TNS2: variants seen among roughly 807,000 people sequenced by gnomAD.
TNS2 encodes the protein tensin-2.
A neutral mutation model predicts 155.7 loss-of-function variants in TNS2; 77 were observed. The ratio of observed to expected loss-of-function variants is 0.49; its 90% confidence interval spans 0.41 to 0.60. The LOEUF is 0.60. TNS2 is among the 20% of genes least tolerant of loss of function. The pLI, the probability that TNS2 is intolerant of heterozygous loss-of-function variation, is 0.00. For missense variants in TNS2, 1,703 were observed against 1,868.8 expected (o/e 0.91, Z 1.64); for synonymous variants, 726 against 763.9 (o/e 0.95, Z 0.82).
In TNS2 at chr12:53,060,592, T is replaced by C. The variant is rs754878870; in HGVS notation, c.2768+37T>C. 2 of 1,603,562 alleles carry C rather than the reference T, an allele frequency of 1.2e-6. No individual in the cohort carries two copies. The highest frequency in any genetic ancestry group is 8.5e-7 in the Non-Finnish European group (1 of 1,173,886). On this transcript the variant is annotated intron_variant, in intron 19 of 28. Transcript: ENST00000314250. This position sits in a 1 kb window ranked among gnomAD's most constrained non-coding sequence, Gnocchi z 6.1. ...GGCCGGGGATGCTCGAGTGCTTTCT[T>C]GTCCAAGCAGTTGATGAAGGCAGGT...
At chr12:53,061,792 G>A in intron 21 of TNS2, 23 bp from the exon 22 acceptor site, 3 of 1,603,222 alleles carry the variant, frequency 1.9e-6, no homozygotes, top group Non-Finnish European at 2.6e-6. Context: ...CCTCCCCACT[G>A]CCCGCTACCC....
At chr12:53,058,124 A>C in intron 14 of TNS2, 22 bp downstream of exon 14, 2 of 1,614,098 alleles carry the variant, frequency 1.2e-6, no homozygotes, top group Non-Finnish European at 1.7e-6. Flanking sequence ...CCTGTCAACA[A>C]GAAGAATCCT....
intron 1 of TNS2, 25 bp from the exon 2 acceptor site, chr12:53,051,830 C>T (rs1943943909): frequency 6.3e-7 from 1 of 1,593,128 alleles, no homozygotes; most frequent in Non-Finnish European, 8.6e-7. Flanking sequence ...GGAACTCACA[C>T]CTCTGTTTGT....
chr12:53,050,706 C>T lies in TNS2; in HGVS notation c.75+446C>T, dbSNP rs868747520. ...TTTGGAACTGGAGGTTTGCTTTCCACTGACAACATCCATATCTGCTGCTAA... is the reference window on the plus strand; with the variant it reads ...TTTGGAACTGGAGGTTTGCTTTCCATTGACAACATCCATATCTGCTGCTAA... On this transcript the variant is annotated intron_variant, in intron 1 of 28. Transcript: ENST00000314250. This position sits in a 1 kb window ranked among gnomAD's most constrained non-coding sequence, Gnocchi z 4.7. 6.6e-6 allele frequency among the ~76,000 whole-genome samples: 1 copy of T among 152,164 alleles called. No individual in the cohort carries two copies. The highest frequency in any genetic ancestry group is 1.5e-5 in the Non-Finnish European group (1 of 68,032).
chr12:53,054,358 G>A lies in TNS2; in HGVS notation c.439G>A (p.Ala147Thr), dbSNP rs552336137. ...GCGCATCTTGGCCGCCGCCTTCCCC[G>A]CGCGGCCCGATGAACAGCGGCACCG... Reference protein sequence around the residue: ...TERILAAAFPARPDEQRHRGH... With the variant: ...TERILAAAFPTRPDEQRHRGH... Residue 147 changes from alanine (A) to threonine (T), a missense_variant, in exon 7 of 29, where the codon GCG becomes ACG. Physicochemically the swap from Ala to Thr is moderately conservative, Grantham distance 58 (BLOSUM62 0). Transcript: ENST00000314250. 6.2e-7 allele frequency: 1 copy of A among 1,612,582 alleles called. No homozygotes were observed. The highest frequency in any genetic ancestry group is 1.1e-5 in the South Asian group (1 of 91,076).
rs748590499 is a variant in TNS2, at chr12:53,064,016, G to C, written c.*134G>C. The C allele has an allele frequency of 1.8e-4, 179 of 989,258 alleles. No individual in the cohort carries two copies. Among genetic ancestry groups the C allele is most frequent in the Non-Finnish European group, 2.5e-4 (172 of 682,670 alleles). 61.3% of individuals were successfully genotyped at this position (989,258 alleles called of 1,614,324 possible). On this transcript the variant is annotated 3_prime_UTR_variant, in exon 29 of 29. Transcript: ENST00000314250. ...CCTTAGGAATGAGGAGTGGGCATCA[G>C]GCCTGGGACACTGCTCTCCTTCCCC...
Position 53,059,312 on chromosome 12 carries a change from TG to T in TNS2, c.1674del (p.Arg559AlafsTer6). 1 of 1,433,150 alleles carries T rather than the reference TG, an allele frequency of 7.0e-7. No individual in the cohort carries two copies. The highest frequency in any genetic ancestry group is 9.1e-7 in the Non-Finnish European group (1 of 1,093,998). The allele number at this position is 1,433,150 out of a possible 1,614,324, so 88.8% of individuals were successfully genotyped here. A position where few individuals can be genotyped will look rare whatever the true frequency, so the allele number is the denominator to read the frequency against. On this transcript the variant is annotated frameshift_variant, in exon 18 of 29. Coordinates refer to ENST00000314250, the MANE Select transcript of TNS2 (RefSeq NM_170754.4). LOFTEE classifies it high-confidence loss of function. The surrounding 1 kb of genome is among the most constrained non-coding windows in gnomAD (Gnocchi z 4.7). ...GAGTGGCCAGTGGGGGCCGGGGAGC[TG>T]GGCGCGAGACGGCCATCCTAGATGA... ...CGVASGGRGA[G>X]RETAILDDEE...
chr12:53,063,315 C>T lies in TNS2; in HGVS notation c.3993-34C>T. The T allele has an allele frequency of 1.9e-6, 3 of 1,614,024 alleles. No homozygotes were observed. The highest frequency in any genetic ancestry group is 2.5e-6 in the Non-Finnish European group (3 of 1,179,970). ...TTAAGGCCCCTGGGGGCTCATGTTTCTGAGTGTGACCTTCCTCACCCTCCT... is the reference window on the plus strand; with the variant it reads ...TTAAGGCCCCTGGGGGCTCATGTTTTTGAGTGTGACCTTCCTCACCCTCCT... On this transcript the variant is annotated intron_variant, in intron 26 of 28. Coordinates refer to ENST00000314250, the MANE Select transcript of TNS2 (RefSeq NM_170754.4). This position sits in a 1 kb window ranked among gnomAD's most constrained non-coding sequence, Gnocchi z 5.6.
At position 53,055,488 on chromosome 12, in the gene TNS2, T is replaced by C. The variant is rs566822911; in HGVS notation, c.574-80T>C. 6.7e-5 allele frequency: 102 copies of C among 1,514,730 alleles called. No homozygotes were observed. The African/African-American group carries it at 1.2e-3, about 18-fold the overall frequency. 93.8% of individuals were successfully genotyped at this position (1,514,730 alleles called of 1,614,324 possible). A position where few individuals can be genotyped will look rare whatever the true frequency, so the allele number is the denominator to read the frequency against. On this transcript the variant is annotated intron_variant, in intron 8 of 28. Transcript: ENST00000314250. ...CCCCAGCCTTGCCCCCGGACCCCTA[T>C]GCCCTGTCCCCTTTCCACCCTGCCC... is the stretch of plus-strand genomic sequence containing the variant.
intron 1 of TNS2, 60 bp from the exon 2 acceptor site, chr12:53,051,795 C>T (rs1332581480): frequency 1.5e-6 from 2 of 1,342,428 alleles, no homozygotes; most frequent in Non-Finnish European, 2.1e-6. Flanking sequence ...CCTGCCCAGT[C>T]CCGGAGATGG....
chr12:53,052,114 A>G, intron 2 of TNS2, 151 bp downstream of exon 2: 1 of 677,972 alleles, frequency 1.5e-6, no homozygotes, highest in Non-Finnish European at 2.5e-6. Flanking sequence ...CTCCCCCTTC[A>G]GATGGCCCTG....
chr12:53,051,821 G>T, intron 1 of TNS2, 34 bp from the exon 2 acceptor site: 1 of 1,560,576 alleles, frequency 6.4e-7, no homozygotes, highest in South Asian at 1.1e-5. Flanking sequence ...GGCCCACTGG[G>T]AACTCACACC....
chr12:53,057,042 T>C lies in TNS2; in HGVS notation c.791T>C (p.Met264Thr), dbSNP rs1365656795. ...GADQALATLT[M>T]RKFCEDKVAT... ...GACCAGGCACTGGCCACTCTTACCA[T>C]GCGGAAATTCTGCGAGGACAAGGTG... Residue 264 changes from methionine to threonine, a missense_variant, in exon 11 of 29, where the codon ATG (methionine) becomes ACG (threonine). Physicochemically the swap from Met to Thr is moderately conservative, Grantham distance 81. Transcript: ENST00000314250. The C allele has an allele frequency of 2.5e-6, 4 of 1,613,810 alleles. No individual in the cohort carries two copies. Among genetic ancestry groups the C allele is most frequent in the Non-Finnish European group, 3.4e-6 (4 of 1,179,918 alleles).
rs1238353834 is a variant in TNS2, at chr12:53,059,236, C to T, written c.1595C>T (p.Pro532Leu). ...GCTGCTGAGTCCCCTGGCCGGCCGC[C>T]CCCTACAGCTGCTGAACGGCAGGAG... ...EPAAESPGRPPPTAAERQELD... is the reference protein window; with the variant it reads ...EPAAESPGRPLPTAAERQELD... Residue 532 changes from proline (P) to leucine (L), a missense_variant, in exon 18 of 29, where the codon CCC becomes CTC. Physicochemically the swap from Pro to Leu is moderately conservative, Grantham distance 98 (BLOSUM62 -3). Transcript: ENST00000314250. The surrounding 1 kb of genome is among the most constrained non-coding windows in gnomAD (Gnocchi z 4.7). 18 of 1,536,126 alleles carry T rather than the reference C, an allele frequency of 1.2e-5. No individual in the cohort carries two copies. Among genetic ancestry groups the T allele is most frequent in the Non-Finnish European group, 1.5e-5 (17 of 1,151,574 alleles).
intron 7 of TNS2, among the ~76,000 whole-genome samples, 159 bp from the exon 8 acceptor site, chr12:53,055,027 G>A (rs1248949000): frequency 6.6e-6 from 1 of 151,852 alleles, no homozygotes; most frequent in African/African-American, 2.4e-5. Flanking sequence ...CAGGTGACCC[G>A]CCCGCCTTGG....
At chr12:53,056,676 A>C (rs1395882862) in intron 10 of TNS2, among the ~76,000 whole-genome samples, 1 of 152,154 alleles carries the variant, frequency 6.6e-6, no homozygotes, top group East Asian at 1.9e-4. Context: ...CTCCTTCAGT[A>C]TGGTCTCATC....
upstream of TNS2, among the ~76,000 whole-genome samples, chr12:53,048,523 G>C (rs1198038556): frequency 6.6e-6 from 1 of 152,138 alleles, no homozygotes; most frequent in Non-Finnish European, 1.5e-5. Flanking sequence ...GCCAGGCCCG[G>C]TTGCCCACAC....
intron 11 of TNS2, 113 bp from the exon 12 acceptor site, chr12:53,057,454 G>GTTGAGCAGAAGAGC (rs1944199388): frequency 8.4e-6 from 7 of 833,802 alleles, no homozygotes; most frequent in Non-Finnish European, 1.3e-5. Context: ...CCCGGAAGAT[G>GTTGAGCAGAAGAGC]GGAAGGAAGT....
At chr12:53,056,920 A>G in intron 10 of TNS2, 93 bp from the exon 11 acceptor site, 1 of 1,219,346 alleles carries the variant, frequency 8.2e-7, no homozygotes. Flanking sequence ...GACTTAGAGA[A>G]TCATATTTCT....
Sources: allele counts gnomAD v4.1 joint callset (sites outside exome capture counted in the v4.1 genomes callset), GRCh38; gene constraint gnomAD v4.1.1; non-coding constraint Gnocchi (gnomAD v3.1); transcripts MANE v1.5; gene names NCBI Gene and HGNC (gene_info 2026-07-23, HGNC 2026-07-21).